Variants in CCSER1 observed in about 807,000 individuals in gnomAD.
CCSER1 encodes the protein coiled-coil serine rich protein 1.
In CCSER1, 41 loss-of-function variants were observed where a neutral mutation model predicts 82.0. That is an observed-to-expected ratio of 0.50 (90% CI 0.39 to 0.65). The LOEUF is 0.65. CCSER1 is among the 30% of genes least tolerant of loss of function. CCSER1 has a pLI of 0.00. For synonymous variants in CCSER1, 414 were observed against 383.9 expected (o/e 1.08, Z -0.92); for missense variants, 1,119 against 1,064.2 (o/e 1.05, Z -0.72).
At chr4:91,084,077 C>A (rs562489962) in intron 9 of CCSER1, among the ~76,000 whole-genome samples, 1 of 152,098 alleles carries the variant, frequency 6.6e-6, no homozygotes, top group East Asian at 1.9e-4. Context: ...ATTATGGGCA[C>A]CCACCACCAC....
At chr4:91,326,681 A>G (rs1476199534) in intron 10 of CCSER1, among the ~76,000 whole-genome samples, 4 of 152,004 alleles carry the variant, frequency 2.6e-5, no homozygotes, top group African/African-American at 9.7e-5. Context: ...TCCATATCCA[A>G]AGTCTCATCT....
chr4:90,878,264 C>T (rs554061702), intron 8 of CCSER1, among the ~76,000 whole-genome samples: 67 of 152,280 alleles, frequency 4.4e-4, no homozygotes, highest in African/African-American at 1.6e-3. Flanking sequence ...CCATGAGCCC[C>T]TGTCCTTGTA....
chr4:90,507,243 A>T lies in CCSER1; in HGVS notation c.1724+38889A>T, dbSNP rs559469863. Reference sequence around the variant, plus strand: ...AATGGCTCAGAACAAAGCTTAAAAAAAAATAGACATGTTGAAAGTTGTGCC... The same window carrying T: ...AATGGCTCAGAACAAAGCTTAAAAATAAATAGACATGTTGAAAGTTGTGCC... On this transcript the variant is annotated intron_variant, in intron 5 of 10. Coordinates refer to ENST00000509176, the MANE Select transcript of CCSER1 (RefSeq NM_001145065.2). Among the ~76,000 whole-genome samples, 25 of 152,284 alleles carry T rather than the reference A, an allele frequency of 1.6e-4. No individual in the cohort carries two copies. In the East Asian group the frequency reaches 4.8e-3, roughly 29 times the overall value.
chr4:91,378,678 C>A (rs899235152), intron 10 of CCSER1, among the ~76,000 whole-genome samples: 1 of 152,138 alleles, frequency 6.6e-6, no homozygotes, highest in Non-Finnish European at 1.5e-5. Flanking sequence ...TCTAAATATA[C>A]AATCTTGTCA....
Position 90,954,160 on chromosome 4 carries a change from T to C in CCSER1, c.2172+30713T>C, listed in dbSNP as rs561999623. On this transcript the variant is annotated intron_variant, in intron 9 of 10. Coordinates refer to ENST00000509176, the MANE Select transcript of CCSER1 (RefSeq NM_001145065.2). Reference sequence around the variant, plus strand: ...ATTGGAAAGCAAATACATTCTACAGTATTTTATTTGTTATCAGTTCCTTCA... The same window carrying C: ...ATTGGAAAGCAAATACATTCTACAGCATTTTATTTGTTATCAGTTCCTTCA... 3.9e-3 allele frequency among the ~76,000 whole-genome samples: 599 copies of C among 152,150 alleles called. 5 individuals are homozygous for C. The highest frequency in any genetic ancestry group is 6.6e-3 in the Non-Finnish European group (449 of 67,886).
At chr4:91,422,462 G>A (rs1460435756) in intron 10 of CCSER1, among the ~76,000 whole-genome samples, 1 of 152,058 alleles carries the variant, frequency 6.6e-6, no homozygotes, top group East Asian at 1.9e-4. Context: ...GCCTAATTGT[G>A]TGTCATACTT....
intron 4 of CCSER1, among the ~76,000 whole-genome samples, chr4:90,406,574 C>T (rs962927554): frequency 6.7e-6 from 1 of 150,006 alleles, no homozygotes; most frequent in Non-Finnish European, 1.5e-5. Context: ...TTCATCAGCA[C>T]ATGGAACGTT....
intron 10 of CCSER1, among the ~76,000 whole-genome samples, chr4:91,356,527 CTTA>C (rs1748843015): frequency 1.3e-5 from 2 of 152,114 alleles, no homozygotes; most frequent in South Asian, 2.1e-4. Context: ...TTTACGATGT[CTTA>C]TTATTATTTT....
chr4:90,301,670 A>G (rs957879363), intron 1 of CCSER1, among the ~76,000 whole-genome samples: 1 of 152,140 alleles, frequency 6.6e-6, no homozygotes, highest in Admixed American at 6.6e-5. Flanking sequence ...GTCTAGTTCA[A>G]CCTTCATATT....
At chr4:90,141,668 ATGAC>A (rs1470515145) in intron 1 of CCSER1, among the ~76,000 whole-genome samples, 2 of 152,252 alleles carry the variant, frequency 1.3e-5, no homozygotes, top group African/African-American at 4.8e-5. Flanking sequence ...AGTGTGTTAG[ATGAC>A]TGACTGGTAA....
intron 1 of CCSER1, among the ~76,000 whole-genome samples, chr4:90,181,116 C>T (rs879772641): frequency 1.3e-5 from 2 of 151,988 alleles, no homozygotes; most frequent in Non-Finnish European, 2.9e-5. Flanking sequence ...GGTACTGTGC[C>T]CATTACTTGG....
Position 91,528,662 on chromosome 4 carries a change from A to G in CCSER1, c.2218-69910A>G, listed in dbSNP as rs139028500. Among the ~76,000 whole-genome samples the G allele has an allele frequency of 7.9e-5, 12 of 152,350 alleles. No individual in the cohort carries two copies. In the East Asian group the frequency reaches 2.3e-3, roughly 29 times the overall value. On this transcript the variant is annotated intron_variant, in intron 10 of 10. Coordinates refer to ENST00000509176, the MANE Select transcript of CCSER1 (RefSeq NM_001145065.2). Reference sequence around the variant, plus strand: ...GTTTTTGTTGAGTGAAGAAACTAAAATAATAAACATTAGATGTAAAAGACT... The same window carrying G: ...GTTTTTGTTGAGTGAAGAAACTAAAGTAATAAACATTAGATGTAAAAGACT...
chr4:91,377,511 A>C (rs1031502254), intron 10 of CCSER1, among the ~76,000 whole-genome samples: 1 of 152,150 alleles, frequency 6.6e-6, no homozygotes, highest in Non-Finnish European at 1.5e-5. Context: ...TGATGTGAGC[A>C]TGTTTTCATG....
At chr4:91,021,819 AC>A (rs1740000129) in intron 9 of CCSER1, among the ~76,000 whole-genome samples, 1 of 152,100 alleles carries the variant, frequency 6.6e-6, no homozygotes, top group Admixed American at 6.5e-5. Flanking sequence ...AGCAAAGCAC[AC>A]TTTTTTTAAA....
chr4:90,297,059 A>G (rs1482082011), intron 1 of CCSER1, among the ~76,000 whole-genome samples: 1 of 152,000 alleles, frequency 6.6e-6, no homozygotes, highest in Non-Finnish European at 1.5e-5. Flanking sequence ...TGGGGATGGC[A>G]TTGGATCTAT....
At chr4:90,981,063 C>G (rs1736070048) in intron 9 of CCSER1, among the ~76,000 whole-genome samples, 1 of 151,740 alleles carries the variant, frequency 6.6e-6, no homozygotes, top group South Asian at 2.1e-4. Flanking sequence ...AGGGAAAGCC[C>G]TCAAACAATT....
chr4:90,762,442 T>G (rs536186257), intron 7 of CCSER1, among the ~76,000 whole-genome samples: 14 of 152,280 alleles, frequency 9.2e-5, no homozygotes, highest in Non-Finnish European at 1.3e-4. Context: ...GAGACAAACT[T>G]AAGTTATATG....
intron 5 of CCSER1, among the ~76,000 whole-genome samples, chr4:90,617,743 T>G (rs888771746): frequency 6.6e-6 from 1 of 152,186 alleles, no homozygotes; most frequent in Non-Finnish European, 1.5e-5. Context: ...TCAGCTACTT[T>G]AAACTGAATC....
chr4:91,382,795 C>T (rs1047901617), intron 10 of CCSER1, among the ~76,000 whole-genome samples: 6 of 152,234 alleles, frequency 3.9e-5, no homozygotes, highest in South Asian at 2.1e-4. Flanking sequence ...TCTTCTGCGT[C>T]GCTCATGCTG....
Sources: gnomAD v4.1 joint callset for allele counts (sites outside exome capture counted in the v4.1 genomes callset) on GRCh38, gnomAD v4.1.1 for gene constraint, MANE v1.5 for transcripts, NCBI Gene and HGNC (gene_info 2026-07-23, HGNC 2026-07-21) for gene names.